Variants in SEL1L2 observed in about 807,000 individuals in gnomAD.
SEL1L2 encodes SEL1L2 adaptor subunit of SYVN1 ubiquitin ligase, also known as protein sel-1 homolog 2.
SEL1L2 carries 89 observed loss-of-function variants against 98.8 expected under a neutral mutation model. The ratio of observed to expected loss-of-function variants is 0.90; its 90% CI spans 0.76 to 1.07. The LOEUF (loss-of-function observed/expected upper bound fraction) is 1.07, where lower values mean the gene tolerates loss of function less well. SEL1L2 is among the 50% of genes least tolerant of loss of function. The pLI is 0.00. For missense variants in SEL1L2, 788 were observed against 812.0 expected (o/e 0.97, Z 0.36); for synonymous variants, 262 against 278.5 (o/e 0.94, Z 0.59).
chr20:13,903,041 C>G (rs2047754612), intron 5 of SEL1L2, among the ~76,000 whole-genome samples: 1 of 146,632 alleles, frequency 6.8e-6, no homozygotes, highest in South Asian at 2.2e-4. Context: ...TCTCTTGAAC[C>G]TGGGAGGCAA....
intron 18 of SEL1L2, among the ~76,000 whole-genome samples, chr20:13,853,310 C>A (rs1267997307): frequency 1.3e-5 from 2 of 152,040 alleles, no homozygotes; most frequent in South Asian, 2.1e-4. Flanking sequence ...GCGATCCTCC[C>A]ATCTGGGCTT....
intron 10 of SEL1L2, among the ~76,000 whole-genome samples, chr20:13,879,972 C>T (rs2046618616): frequency 6.6e-6 from 1 of 152,152 alleles, no homozygotes; most frequent in Admixed American, 6.5e-5. Flanking sequence ...GGCACCTCAT[C>T]CTGTCCGTAT....
intron 2 of SEL1L2, among the ~76,000 whole-genome samples, chr20:13,934,793 A>G (rs1316126373): frequency 6.6e-6 from 1 of 150,720 alleles, no homozygotes; most frequent in African/African-American, 2.4e-5. Context: ...TTATTTTTTG[A>G]TTATGGCCAT....
chr20:13,934,343 C>CATATATATATATTCCAT (rs1568997433), intron 2 of SEL1L2, among the ~76,000 whole-genome samples: 2 of 6,272 alleles, frequency 3.2e-4, no homozygotes, highest in East Asian at 0.012. Context: ...ATATATATTC[C>CATATATATATATTCCAT]ATATATATAT....
rs11087067 is a variant in SEL1L2, at chr20:13,876,406, CTTTTTTTTT to C, written c.1027-300_1027-292del. On this transcript the variant is annotated intron_variant, in intron 11 of 19. Coordinates refer to ENST00000284951, the MANE Select transcript of SEL1L2 (RefSeq NM_025229.2). ...GTTTGTGTTTTCTCTCTCTCTCTCT[CTTTTTTTTT>C]TTTTTTTTTTTGCATCTACATTTAC... 2.7e-3 allele frequency among the ~76,000 whole-genome samples: 273 copies of C among 101,932 alleles called. 1 individual carries two copies. The highest frequency in any genetic ancestry group is 4.3e-3 in the Non-Finnish European group (212 of 49,696). 66.9% of individuals were successfully genotyped at this position (101,932 alleles called of 152,430 possible). A position where few individuals can be genotyped will look rare whatever the true frequency, so the allele number is the denominator to read the frequency against.
At chr20:13,857,253 C>T (rs1989316059) in intron 18 of SEL1L2, among the ~76,000 whole-genome samples, 2 of 148,976 alleles carry the variant, frequency 1.3e-5, no homozygotes, top group South Asian at 4.2e-4. Flanking sequence ...AAAAAATAGA[C>T]TTGTGACTGA....
intron 10 of SEL1L2, among the ~76,000 whole-genome samples, chr20:13,884,508 T>A (rs752090825): frequency 1.1e-3 from 165 of 152,188 alleles, no homozygotes; most frequent in Middle Eastern, 3.4e-3. Flanking sequence ...TTATTTATTT[T>A]TTTTATTTTT....
chr20:13,851,850 G>GT (rs995529730), intron 18 of SEL1L2, among the ~76,000 whole-genome samples: 32 of 151,288 alleles, frequency 2.1e-4, no homozygotes, highest in Middle Eastern at 6.8e-3. Context: ...TTAAAACTGT[G>GT]TTTTTTTGCG....
chr20:13,959,178 C>T (rs1196195178), intron 1 of SEL1L2, among the ~76,000 whole-genome samples: 1 of 152,136 alleles, frequency 6.6e-6, no homozygotes, highest in East Asian at 1.9e-4. Context: ...GAAAAATCAT[C>T]ATTTTAATGT....
At chr20:13,929,075 C>G (rs763097418) in intron 3 of SEL1L2, among the ~76,000 whole-genome samples, 1 of 152,124 alleles carries the variant, frequency 6.6e-6, no homozygotes, top group Non-Finnish European at 1.5e-5. Context: ...AAGAATGGAA[C>G]TGAGGCTTCT....
In SEL1L2 at chr20:13,906,169, C is replaced by T. The variant is rs529701438; in HGVS notation, c.549+7613G>A. ...GGCATTACAGGCATAAGCCAGGGCT[C>T]CCAGCCCCTGTAAGACATATTTCTG... is the stretch of plus-strand genomic sequence containing the variant. On this transcript the variant is annotated intron_variant, in intron 5 of 19. Coordinates refer to ENST00000284951, the MANE Select transcript of SEL1L2 (RefSeq NM_025229.2). 9.9e-5 allele frequency among the ~76,000 whole-genome samples: 15 copies of T among 152,250 alleles called. No homozygotes were observed. In the East Asian group the frequency reaches 1.7e-3, roughly 18 times the overall value.
chr20:13,854,562 A>C (rs1988834058), intron 18 of SEL1L2, among the ~76,000 whole-genome samples: 1 of 152,158 alleles, frequency 6.6e-6, no homozygotes, highest in African/African-American at 2.4e-5. Flanking sequence ...TTTAGGCTTA[A>C]CTATAGCTAT....
chr20:13,860,585 T>A (rs918492034), intron 17 of SEL1L2, among the ~76,000 whole-genome samples: 1 of 152,128 alleles, frequency 6.6e-6, no homozygotes, highest in Non-Finnish European at 1.5e-5. Context: ...CTTGTCTGAC[T>A]CCTCTGCCCA....
upstream of SEL1L2, among the ~76,000 whole-genome samples, chr20:13,994,295 C>CAAAAAAAAAAAAAA (rs10557935): frequency 1.4e-5 from 1 of 70,954 alleles, no homozygotes; most frequent in African/African-American, 5.4e-5. Flanking sequence ...AACTCTGCCT[C>CAAAAAAAAAAAAAA]AAAAAAAAAA....
chr20:13,959,525 C>T (rs191423089), intron 1 of SEL1L2, among the ~76,000 whole-genome samples: 68 of 152,302 alleles, frequency 4.5e-4, no homozygotes, highest in African/African-American at 7.0e-4. Context: ...AAGGCCTGAC[C>T]GCTCGTCGTA....
At chr20:13,878,685 T>C (rs2046551089) in intron 10 of SEL1L2, among the ~76,000 whole-genome samples, 2 of 152,204 alleles carry the variant, frequency 1.3e-5, no homozygotes, top group Admixed American at 1.3e-4. Context: ...TTAAACCTCA[T>C]GGCGTCATGC....
Position 13,946,638 on chromosome 20 carries a change from C to T in SEL1L2, c.114+9438G>A, listed in dbSNP as rs141863311. Among the ~76,000 whole-genome samples, 20 of 152,346 alleles carry T rather than the reference C, an allele frequency of 1.3e-4. No homozygotes were observed. In the East Asian group the frequency reaches 2.7e-3, roughly 21 times the overall value. ...AACAGGAGGGAGCCATGACCCATTC[C>T]GAGTTGGCCAGGTGGGAGCCCCACC... On this transcript the variant is annotated intron_variant, in intron 2 of 19. Transcript: ENST00000284951.
At chr20:13,870,875 A>T (rs2046155439) in intron 12 of SEL1L2, among the ~76,000 whole-genome samples, 1 of 139,950 alleles carries the variant, frequency 7.1e-6, no homozygotes, top group Non-Finnish European at 1.5e-5. Flanking sequence ...GTGAGCCGAG[A>T]TTGCGCCACT....
At chr20:13,937,198 G>A (rs2049495767) in intron 2 of SEL1L2, among the ~76,000 whole-genome samples, 1 of 152,164 alleles carries the variant, frequency 6.6e-6, no homozygotes, top group Non-Finnish European at 1.5e-5. Context: ...TGTGACCCAC[G>A]GTGATGGCCC....
Sources: gnomAD v4.1 joint callset for allele counts (sites outside exome capture counted in the v4.1 genomes callset) on GRCh38, gnomAD v4.1.1 for gene constraint, MANE v1.5 for transcripts, NCBI Gene and HGNC (gene_info 2026-07-23, HGNC 2026-07-21) for gene names.